The following UCP3 variants were observed in gnomAD, a reference collection of about 807,000 sequenced individuals.
UCP3 encodes uncoupling protein 3, also known as putative mitochondrial transporter UCP3.
Under a neutral mutation model 28.1 loss-of-function variants are expected in UCP3, and 24 were observed. That is an observed-to-expected ratio of 0.85 (90% CI 0.62 to 1.20). The LOEUF is 1.20. Among genes scored for constraint, UCP3 ranks in the 50% most tolerant of loss-of-function variants. UCP3 has a pLI of 0.00. For missense variants in UCP3, 397 were observed against 422.2 expected, an observed-to-expected ratio of 0.94 and a Z score of 0.52; for synonymous variants, 184 against 171.2, an observed-to-expected ratio of 1.07 and a Z score of -0.59.
At chr11:74,003,469 C>A in intron 6 of UCP3, 1 of 1,005,986 alleles carries the variant, frequency 9.9e-7, no homozygotes, top group Non-Finnish European at 1.2e-6. Flanking sequence ...GCAGTAAGTG[C>A]AAGAAAACGT....
At position 74,001,576 on chromosome 11, in the gene UCP3, A is replaced by G. The variant is rs376861140; in HGVS notation, c.825-50T>C. 2.9e-5 allele frequency: 44 copies of G among 1,523,408 alleles called. No individual in the cohort carries two copies. The African/African-American group carries it at 4.6e-4, about 16-fold the overall frequency. 94.4% of individuals were successfully genotyped at this position (1,523,408 alleles called of 1,614,324 possible). A position where few individuals can be genotyped will look rare whatever the true frequency, so the allele number is the denominator to read the frequency against. ...TCAGGTGGAGTGCTAGGGGACCACA[A>G]CAGATGCGTGTGCTCTCCCGGGACA... On this transcript the variant is annotated intron_variant, in intron 6 of 6. Transcript: ENST00000314032.
intron 5 of UCP3, 121 bp from the exon 6 acceptor site, chr11:74,004,128 C>T (rs1370231975): frequency 1.5e-5 from 22 of 1,492,442 alleles, no homozygotes; most frequent in Admixed American, 3.9e-5. Context: ...TTCCATATCT[C>T]TCACAGTGCC....
At chr11:74,004,369 C>A in intron 5 of UCP3, 115 bp downstream of exon 5, 1 of 959,600 alleles carries the variant, frequency 1.0e-6, no homozygotes, top group Non-Finnish European at 1.6e-6. Flanking sequence ...CTAGGCACTG[C>A]TTCTCTCTCT....
chr11:74,004,664 C>A, intron 4 of UCP3, 79 bp from the exon 5 acceptor site: 1 of 1,407,334 alleles, frequency 7.1e-7, no homozygotes, highest in Non-Finnish European at 9.9e-7. Flanking sequence ...GATGCCCTGG[C>A]TGCAAGGCCA....
intron 6 of UCP3, chr11:74,002,684 G>A: frequency 1.1e-6 from 1 of 913,652 alleles, no homozygotes; most frequent in Non-Finnish European, 1.3e-6. Context: ...CAGAAATGTT[G>A]GACAAGTGAA....
chr11:74,003,549 G>A, intron 6 of UCP3: 1 of 1,162,130 alleles, frequency 8.6e-7, no homozygotes, highest in African/African-American at 1.6e-5. Context: ...ATGGCAGGAG[G>A]TCCAGGAGGT....
At chr11:74,002,433 G>C (rs1484917939) in intron 6 of UCP3, among the ~76,000 whole-genome samples, 1 of 152,170 alleles carries the variant, frequency 6.6e-6, no homozygotes, top group Admixed American at 6.5e-5. Flanking sequence ...AGCTCTCCCA[G>C]TTTCTAGCTT....
At chr11:74,004,028 A>C (rs1283195473) in intron 5 of UCP3, 21 bp from the exon 6 acceptor site, 1 of 1,613,162 alleles carries the variant, frequency 6.2e-7, no homozygotes, top group Non-Finnish European at 8.5e-7. Flanking sequence ...AGGACAAGCA[A>C]ATATCAAGGA....
rs540349562 is a variant in UCP3 at position 74,008,363 on chromosome 11, A to T, written c.-96+615T>A. Reference sequence around the variant, plus strand: ...GGGGCCTAGGAATCTGCATTAGGAAAACTCCCTGTGGTAGCTCTGAAGCAG... The same window carrying T: ...GGGGCCTAGGAATCTGCATTAGGAATACTCCCTGTGGTAGCTCTGAAGCAG... On this transcript the variant is annotated intron_variant, in intron 1 of 6. Transcript: ENST00000314032. 1.4e-4 allele frequency among the ~76,000 whole-genome samples: 21 copies of T among 152,154 alleles called. No individual in the cohort carries two copies. The South Asian group carries it at 4.0e-3, about 29-fold the overall frequency.
chr11:74,003,618 T>A, intron 6 of UCP3: 2 of 1,358,880 alleles, frequency 1.5e-6, no homozygotes, highest in South Asian at 3.7e-5. Context: ...CCTGGAGTGT[T>A]TGTTCTCAGT....
intron 1 of UCP3, among the ~76,000 whole-genome samples, chr11:74,007,632 A>C (rs1311738833): frequency 2.0e-5 from 3 of 152,036 alleles, no homozygotes; most frequent in African/African-American, 4.8e-5. Flanking sequence ...GGGTCTCTCT[A>C]TGTTGCCTAT....
chr11:74,001,079 G>A lies in UCP3; in HGVS notation c.*333C>T, dbSNP rs995305369. Reference sequence around the variant, plus strand: ...CATTCATTATCTAACCAGATTTCACGGGGATACACGTCTCCAACCTTCCAT... The same window carrying A: ...CATTCATTATCTAACCAGATTTCACAGGGATACACGTCTCCAACCTTCCAT... On this transcript the variant is annotated 3_prime_UTR_variant, in exon 7 of 7. Coordinates refer to ENST00000314032, the MANE Select transcript of UCP3 (RefSeq NM_003356.4). 4 of 324,034 alleles carry A rather than the reference G, an allele frequency of 1.2e-5. No homozygotes were observed. Among genetic ancestry groups the A allele is most frequent in the Non-Finnish European group, 1.7e-5 (3 of 173,952 alleles). 20.1% of individuals were successfully genotyped at this position (324,034 alleles called of 1,614,324 possible). A position where few individuals can be genotyped will look rare whatever the true frequency, so the allele number is the denominator to read the frequency against.
chr11:74,003,112 G>A (rs918577036), intron 6 of UCP3: 16 of 242,734 alleles, frequency 6.6e-5, no homozygotes, highest in African/African-American at 3.0e-4. Context: ...TGCTCAGCAC[G>A]AGGCCTAATA....
At chr11:74,003,484 C>T (rs1416407025) in intron 6 of UCP3, 3 of 1,017,570 alleles carry the variant, frequency 2.9e-6, no homozygotes, top group African/African-American at 1.7e-5. Flanking sequence ...AAACGTGGAG[C>T]GTGTGGAGAC....
intron 5 of UCP3, 27 bp downstream of exon 5, chr11:74,004,457 C>T (rs781234478): frequency 6.2e-7 from 1 of 1,610,462 alleles, no homozygotes; most frequent in Admixed American, 1.7e-5. Flanking sequence ...TGAGGGAGAG[C>T]TGCCTGCCTG....
chr11:74,004,337 A>G, intron 5 of UCP3, 147 bp downstream of exon 5: 1 of 780,870 alleles, frequency 1.3e-6, no homozygotes, highest in Non-Finnish European at 2.0e-6. Context: ...GCTTGTCACC[A>G]CAATGTACCT....
At chr11:74,004,859 T>C (rs1414696324) in intron 4 of UCP3, among the ~76,000 whole-genome samples, 1 of 152,200 alleles carries the variant, frequency 6.6e-6, no homozygotes, top group African/African-American at 2.4e-5. Flanking sequence ...TGGAGGGTGA[T>C]CTGCAATAGC....
intron 1 of UCP3, among the ~76,000 whole-genome samples, chr11:74,008,038 C>T (rs770079810): frequency 5.3e-5 from 8 of 152,154 alleles, no homozygotes; most frequent in African/African-American, 1.7e-4. Context: ...CACCAGATAC[C>T]GTGCTGAGGG....
chr11:74,007,126 G>T lies in UCP3; in HGVS notation c.-84C>A. On this transcript the variant is annotated 5_prime_UTR_variant, in exon 2 of 7. Coordinates refer to ENST00000314032, the MANE Select transcript of UCP3 (RefSeq NM_003356.4). Reference sequence around the variant, plus strand: ...CTGCTCCACAGCCCTGGGCTTCAGTGCAGCGGTGGGGCTGCAGGAGACAGG... The same window carrying T: ...CTGCTCCACAGCCCTGGGCTTCAGTTCAGCGGTGGGGCTGCAGGAGACAGG... The T allele has an allele frequency of 6.4e-7, 1 of 1,560,074 alleles. No individual in the cohort carries two copies. Among genetic ancestry groups the T allele is most frequent in the Non-Finnish European group, 8.7e-7 (1 of 1,148,782 alleles).
Sources: allele counts gnomAD v4.1 joint callset (sites outside exome capture counted in the v4.1 genomes callset), GRCh38; gene constraint gnomAD v4.1.1; transcripts MANE v1.5; gene names NCBI Gene and HGNC (gene_info 2026-07-23, HGNC 2026-07-21).